Variants in EIF5B observed in about 807,000 individuals in gnomAD.
EIF5B encodes eIF-5B.
EIF5B carries 47 observed loss-of-function variants against 147.5 expected under a neutral mutation model. The ratio of observed to expected loss-of-function variants is 0.32; its 90% CI spans 0.25 to 0.41. The LOEUF is 0.41. EIF5B is among the 10% of genes least tolerant of loss of function. The pLI, the probability that EIF5B is intolerant of heterozygous loss-of-function variation, is 1.00. For missense variants in EIF5B, 1,064 were observed against 1,413.2 expected (o/e 0.75, Z 3.96); for synonymous variants, 455 against 456.2 (o/e 1.00, Z 0.03).
chr2:99,394,512 G>A lies in EIF5B; in HGVS notation c.3016G>A (p.Ala1006Thr). The change falls in exon 20 of 24, where the codon GCA (alanine) becomes ACA (threonine). Residue 1006 changes from alanine to threonine, a missense_variant. Transcript: ENST00000289371. ...ATGGAAACTCCCATTTTTTCAGTAT[G>A]CAGGAATTAACATTGGCCCAGTGCA... The part of the protein sequence containing the change: ...EFLKTSEVPY[A>T]GINIGPVHKK... The A allele has an allele frequency of 6.2e-7, 1 of 1,613,770 alleles. No homozygotes were observed.
chr2:99,341,645 A>G (rs1051132710), intron 1 of EIF5B, among the ~76,000 whole-genome samples: 7 of 152,216 alleles, frequency 4.6e-5, no homozygotes, highest in Non-Finnish European at 4.4e-5. Flanking sequence ...TTAAATTCCT[A>G]AGGAACACAA....
intron 9 of EIF5B, among the ~76,000 whole-genome samples, chr2:99,375,537 A>G (rs1272374311): frequency 6.6e-6 from 1 of 152,160 alleles, no homozygotes; most frequent in Non-Finnish European, 1.5e-5. Context: ...GTATTTTGGT[A>G]GGTCTGGACT....
At chr2:99,337,802 C>G (rs1429199777) in intron 1 of EIF5B, among the ~76,000 whole-genome samples, 1 of 124,044 alleles carries the variant, frequency 8.1e-6, no homozygotes, top group Non-Finnish European at 1.9e-5. Flanking sequence ...AGTCGAGCCT[C>G]GCTCCCCCGG....
At chr2:99,395,937 G>GC (rs1179503096) in intron 21 of EIF5B, among the ~76,000 whole-genome samples, 1 of 152,156 alleles carries the variant, frequency 6.6e-6, no homozygotes, top group Non-Finnish European at 1.5e-5. Context: ...TCTGAGTTTT[G>GC]CAAGAAGCCA....
chr2:99,365,752 C>G (rs1013153595), intron 6 of EIF5B, among the ~76,000 whole-genome samples: 2 of 151,858 alleles, frequency 1.3e-5, no homozygotes, highest in African/African-American at 4.8e-5. Flanking sequence ...GTCTCTTACT[C>G]TTCATAGTGT....
rs746031152 is a variant in EIF5B at position 99,379,013 on chromosome 2, T to A, written c.1843-6T>A. On this transcript the variant is annotated splice_region_variant and splice_polypyrimidine_tract_variant and intron_variant, in intron 10 of 23. Transcript: ENST00000289371. ...ATTTTTGATTTTTTTTTTTTTTTAT[T>A]TCTAGAAACGGCGACTTGAACATAG... The A allele has an allele frequency of 6.6e-7, 1 of 1,518,176 alleles. No individual in the cohort carries two copies. The highest frequency in any genetic ancestry group is 8.8e-7 in the Non-Finnish European group (1 of 1,134,488). 94.0% of individuals were successfully genotyped at this position (1,518,176 alleles called of 1,614,324 possible).
At chr2:99,366,750 T>G (rs577997560) in intron 6 of EIF5B, among the ~76,000 whole-genome samples, 3 of 152,182 alleles carry the variant, frequency 2.0e-5, no homozygotes, top group Non-Finnish European at 4.4e-5. Flanking sequence ...CTAAAATGGA[T>G]ATGAAGAGAC....
intron 21 of EIF5B, 109 bp from the exon 22 acceptor site, chr2:99,396,651 G>A: frequency 1.4e-6 from 2 of 1,385,742 alleles, no homozygotes; most frequent in South Asian, 2.9e-5. Context: ...GTGGCCGCTG[G>A]GGAAAGCTGC....
In EIF5B at chr2:99,389,726, G is replaced by A. The variant is rs187237106; in HGVS notation, c.2280G>A (p.Arg760=). ...TGAAAAAACTTTTTCAGATTGATAGGTTATATGATTGGAAAAAGAGTCCTG... is the reference window on the plus strand; with the variant it reads ...TGAAAAAACTTTTTCAGATTGATAGATTATATGATTGGAAAAAGAGTCCTG... ...PFIVALNKID[R]LYDWKKSPDS... is the part of the protein sequence containing the mutation. The change falls in exon 15 of 24, where the codon AGG becomes AGA. Residue 760 remains arginine, a synonymous_variant. Transcript: ENST00000289371. The A allele has an allele frequency of 1.9e-6, 3 of 1,604,208 alleles. No homozygotes were observed. The East Asian group carries it at 6.7e-5, about 36-fold the overall frequency.
chr2:99,398,945 A>G lies in EIF5B; in HGVS notation c.3555+36A>G, dbSNP rs774954205. 3.1e-6 allele frequency: 5 copies of G among 1,598,270 alleles called. No individual in the cohort carries two copies. In the East Asian group the frequency reaches 1.1e-4, roughly 36 times the overall value. On this transcript the variant is annotated intron_variant, in intron 23 of 23. Coordinates refer to ENST00000289371, the MANE Select transcript of EIF5B (RefSeq NM_015904.4). The stretch of plus-strand genomic sequence containing the variant: ...CAGCAAAAGTGGCACACTTTAAGCA[A>G]CAGGGAATCACTCTTCTTGGGTCAC...
At chr2:99,379,159 T>G (rs770704429) in intron 11 of EIF5B, 33 bp downstream of exon 11, 41 of 1,536,746 alleles carry the variant, frequency 2.7e-5, no homozygotes, top group Middle Eastern at 1.7e-4. Context: ...GATAGAACTT[T>G]GAAAATAAGT....
Position 99,381,029 on chromosome 2 carries a change from A to G in EIF5B, c.2062-1130A>G, listed in dbSNP as rs528735960. Among the ~76,000 whole-genome samples, 17 of 152,280 alleles carry G rather than the reference A, an allele frequency of 1.1e-4. No individual in the cohort carries two copies. In the South Asian group the frequency reaches 3.1e-3, roughly 28 times the overall value. ...TGAATTTCGTCTTTTTATAAGGCCT[A>G]TGATCGTTTTACATCTTGATGTCGC... On this transcript the variant is annotated intron_variant, in intron 12 of 23. Coordinates refer to ENST00000289371, the MANE Select transcript of EIF5B (RefSeq NM_015904.4).
chr2:99,396,927 C>G, intron 22 of EIF5B, 29 bp downstream of exon 22: 1 of 1,581,742 alleles, frequency 6.3e-7, no homozygotes, highest in Non-Finnish European at 8.6e-7. Flanking sequence ...TTCTGTGGGT[C>G]ATTTCTTAAA....
At chr2:99,384,367 A>G (rs760446628) in intron 14 of EIF5B, among the ~76,000 whole-genome samples, 15 of 152,188 alleles carry the variant, frequency 9.9e-5, no homozygotes, top group Non-Finnish European at 1.9e-4. Flanking sequence ...GCTTGCTAAC[A>G]GTGTACCTGA....
chr2:99,383,054 TTG>T (rs146864457), intron 14 of EIF5B, 133 bp downstream of exon 14: 2,296 of 920,754 alleles, frequency 2.5e-3, no homozygotes, highest in Non-Finnish European at 2.7e-3. Flanking sequence ...TTCACAGATA[TTG>T]TGTGTGTGTG....
intron 10 of EIF5B, among the ~76,000 whole-genome samples, chr2:99,377,225 C>G (rs1333901057): frequency 6.6e-6 from 1 of 151,902 alleles, no homozygotes; most frequent in Non-Finnish European, 1.5e-5. Flanking sequence ...ACTATTTTAG[C>G]TTTCCTTTTT....
Position 99,396,829 on chromosome 2 carries a change from A to C in EIF5B, c.3324A>C (p.Ile1108=), listed in dbSNP as rs1675059046. The C allele has an allele frequency of 8.7e-6, 14 of 1,613,598 alleles. No individual in the cohort carries two copies. In the East Asian group the frequency reaches 3.1e-4, roughly 36 times the overall value. The change falls in exon 22 of 24, where the codon ATA becomes ATC. Residue 1108 remains isoleucine (I), a synonymous_variant. Coordinates refer to ENST00000289371, the MANE Select transcript of EIF5B (RefSeq NM_015904.4). The part of the protein sequence containing the change: ...PQYIFNSRDP[I]VMGVTVEAGQ... ...ACATTTTTAATTCTCGAGATCCGAT[A>C]GTGATGGGGGTGACGGTGGAAGCAG...
intron 6 of EIF5B, among the ~76,000 whole-genome samples, chr2:99,365,617 G>A (rs1674309272): frequency 2.6e-5 from 4 of 152,136 alleles, no homozygotes; most frequent in Admixed American, 2.6e-4. Flanking sequence ...TCTCAAAAAT[G>A]CTGTTTTAAG....
At chr2:99,371,559 C>A in intron 8 of EIF5B, 97 bp from the exon 9 acceptor site, 4 of 860,686 alleles carry the variant, frequency 4.6e-6, no homozygotes, top group Non-Finnish European at 5.2e-6. Context: ...TTAAAACATT[C>A]TTTTTTTATG....
Sources: gnomAD v4.1 joint callset for allele counts (sites outside exome capture counted in the v4.1 genomes callset) on GRCh38, gnomAD v4.1.1 for gene constraint, MANE v1.5 for transcripts, NCBI Gene and HGNC (gene_info 2026-07-23, HGNC 2026-07-21) for gene names.